The following SGCZ variants were observed in gnomAD, a reference collection of about 807,000 sequenced individuals.
SGCZ encodes sarcoglycan zeta.
A neutral mutation model predicts 41.3 loss-of-function variants in SGCZ; 40 were observed. The observed-to-expected ratio is 0.97, with a 90% CI of 0.75 to 1.26. SGCZ has a LOEUF of 1.26. SGCZ is among the 50% of genes most tolerant of loss of function. SGCZ has a pLI of 0.00. For synonymous variants in SGCZ, 206 were observed against 137.5 expected (o/e 1.50, Z -3.49); for missense variants, 552 against 369.8 (o/e 1.49, Z -4.04).
At chr8:14,214,504 TG>T (rs1198352076) in intron 4 of SGCZ, among the ~76,000 whole-genome samples, 27 of 152,248 alleles carry the variant, frequency 1.8e-4, no homozygotes, top group African/African-American at 6.5e-4. Context: ...TAGGAAAAAC[TG>T]GAACTTTCTG....
Position 14,210,843 on chromosome 8 carries a change from G to A in SGCZ, c.424+26749C>T, listed in dbSNP as rs372698061. On this transcript the variant is annotated intron_variant, in intron 4 of 7. Coordinates refer to ENST00000382080, the MANE Select transcript of SGCZ (RefSeq NM_139167.4). ...CAAAGATTGTTCTTTACAGCAACCA[G>A]TTAGATAACTGCATCATAACTAAAT... Among the ~76,000 whole-genome samples, 50 of 152,278 alleles carry A rather than the reference G, an allele frequency of 3.3e-4. 2 individuals are homozygous for A. The East Asian group carries it at 9.1e-3, about 28-fold the overall frequency.
intron 3 of SGCZ, among the ~76,000 whole-genome samples, chr8:14,266,149 C>T (rs1799857428): frequency 6.6e-6 from 1 of 152,014 alleles, no homozygotes; most frequent in African/African-American, 2.4e-5. Flanking sequence ...CAGACTCAAT[C>T]CCAATAAGTC....
chr8:15,093,098 GTAGTC>G (rs1806210779), intron 1 of SGCZ, among the ~76,000 whole-genome samples: 2 of 152,072 alleles, frequency 1.3e-5, no homozygotes. Context: ...CTCCTCCTTA[GTAGTC>G]CATCAGCTGC....
At chr8:14,337,503 G>T (rs147486197) in intron 2 of SGCZ, among the ~76,000 whole-genome samples, 24 of 152,202 alleles carry the variant, frequency 1.6e-4, no homozygotes, top group African/African-American at 4.8e-4. Context: ...TACAGGAGAC[G>T]ATTCTAACTT....
chr8:14,478,621 A>AT (rs1801431247), intron 2 of SGCZ, among the ~76,000 whole-genome samples: 1 of 152,102 alleles, frequency 6.6e-6, no homozygotes, highest in Non-Finnish European at 1.5e-5. Context: ...TTGTGTTCAG[A>AT]TTTTTTAAAA....
chr8:14,828,546 A>C (rs1468810090), intron 1 of SGCZ, among the ~76,000 whole-genome samples: 1 of 152,194 alleles, frequency 6.6e-6, no homozygotes, highest in African/African-American at 2.4e-5. Flanking sequence ...ACTTCCTCTA[A>C]TTTTAACAGG....
chr8:14,762,015 G>T (rs950351361), intron 1 of SGCZ, among the ~76,000 whole-genome samples: 16 of 152,112 alleles, frequency 1.1e-4, no homozygotes, highest in Admixed American at 1.0e-3. Flanking sequence ...ACAATGGAAA[G>T]TTTTTCTCAG....
intron 1 of SGCZ, among the ~76,000 whole-genome samples, chr8:14,975,809 A>ATATATATATATATGTGTGTG (rs1181919961): frequency 3.0e-5 from 4 of 131,896 alleles, no homozygotes; most frequent in Admixed American, 1.5e-4. Context: ...ATATATATAT[A>ATATATATATATATGTGTGTG]TGTGTGTGTG....
chr8:14,653,261 G>A (rs1807461096), intron 1 of SGCZ, among the ~76,000 whole-genome samples: 1 of 152,030 alleles, frequency 6.6e-6, no homozygotes, highest in Non-Finnish European at 1.5e-5. Context: ...GTTTGAGGCA[G>A]TAACAAGCCA....
chr8:14,183,268 A>C (rs2117028301), intron 4 of SGCZ, among the ~76,000 whole-genome samples: 1 of 136,368 alleles, frequency 7.3e-6, no homozygotes, highest in East Asian at 2.0e-4. Context: ...AACTACAGAA[A>C]TAGTTAAAAA....
At chr8:14,108,111 G>T (rs372076629) in intron 6 of SGCZ, 52 bp downstream of exon 6, 2 of 1,511,780 alleles carry the variant, frequency 1.3e-6, no homozygotes, top group Non-Finnish European at 1.8e-6. Context: ...ATATATTAAG[G>T]ATTATCAACA....
At chr8:14,562,495 T>G (rs1248560024) in intron 1 of SGCZ, among the ~76,000 whole-genome samples, 1 of 152,102 alleles carries the variant, frequency 6.6e-6, no homozygotes, top group Non-Finnish European at 1.5e-5. Context: ...TGATAGATAT[T>G]ACAAATATAA....
At chr8:14,388,461 G>C (rs1261590696) in intron 2 of SGCZ, among the ~76,000 whole-genome samples, 2 of 152,092 alleles carry the variant, frequency 1.3e-5, no homozygotes, top group African/African-American at 4.8e-5. Context: ...AAAATGGTGA[G>C]AGATTATACC....
intron 1 of SGCZ, among the ~76,000 whole-genome samples, chr8:14,555,233 G>A (rs960897341): frequency 4.0e-5 from 6 of 151,890 alleles, no homozygotes; most frequent in African/African-American, 1.2e-4. Context: ...TCCAGTTACC[G>A]GTAACTAAAG....
chr8:14,232,762 G>T (rs554857961), intron 4 of SGCZ, among the ~76,000 whole-genome samples: 1 of 151,930 alleles, frequency 6.6e-6, no homozygotes, highest in African/African-American at 2.4e-5. Flanking sequence ...TAACAGCAAG[G>T]CTTCCCTAGG....
chr8:14,123,136 T>G (rs1319692597), intron 5 of SGCZ, among the ~76,000 whole-genome samples: 1 of 152,160 alleles, frequency 6.6e-6, no homozygotes, highest in African/African-American at 2.4e-5. Flanking sequence ...GCAATAAAAC[T>G]TAACGTACAT....
At chr8:15,130,175 T>C (rs981683938) in intron 1 of SGCZ, among the ~76,000 whole-genome samples, 1 of 152,178 alleles carries the variant, frequency 6.6e-6, no homozygotes, top group Non-Finnish European at 1.5e-5. Flanking sequence ...CTACACTCTG[T>C]TCTTGCTGCT....
chr8:14,094,953 C>T (rs1180869185), intron 7 of SGCZ, among the ~76,000 whole-genome samples: 1 of 147,208 alleles, frequency 6.8e-6, no homozygotes, highest in African/African-American at 2.5e-5. Context: ...AGTGTCTGTT[C>T]ATATCCTTTG....
At chr8:14,715,627 C>T (rs73664441) in intron 1 of SGCZ, among the ~76,000 whole-genome samples, 8,651 of 151,824 alleles carry the variant, frequency 0.057, 535 homozygotes, top group African/African-American at 0.15. Context: ...TGACAAAATA[C>T]GAAAATTATG....
Sources: allele counts gnomAD v4.1 joint callset (sites outside exome capture counted in the v4.1 genomes callset), GRCh38; gene constraint gnomAD v4.1.1; transcripts MANE v1.5; gene names NCBI Gene and HGNC (gene_info 2026-07-23, HGNC 2026-07-21).